ATG2B: variants seen among roughly 807,000 people sequenced by gnomAD.
ATG2B encodes autophagy related 2B, also known as autophagy-related protein 2 homolog B.
ATG2B carries 121 observed loss-of-function variants against 241.3 expected under a neutral mutation model. That is an observed-to-expected ratio of 0.50 (90% CI 0.43 to 0.58). ATG2B has a LOEUF of 0.58. Ranked by LOEUF, ATG2B falls within the 20% of genes least tolerant of loss-of-function variation. The pLI is 0.00. For synonymous variants in ATG2B, 858 were observed against 876.6 expected, an observed-to-expected ratio of 0.98 and a Z score of 0.37; for missense variants, 2,306 against 2,491.6, an observed-to-expected ratio of 0.93 and a Z score of 1.59.
At chr14:96,356,984 C>T (rs1433885757) in intron 1 of ATG2B, among the ~76,000 whole-genome samples, 1 of 152,104 alleles carries the variant, frequency 6.6e-6, no homozygotes, top group Non-Finnish European at 1.5e-5. Context: ...ACTAAAACCC[C>T]TAACCTTGCT....
intron 2 of ATG2B, among the ~76,000 whole-genome samples, chr14:96,346,117 AC>A (rs1038267667): frequency 1.3e-5 from 2 of 152,182 alleles, no homozygotes; most frequent in African/African-American, 4.8e-5. Context: ...GAGAAAATTA[AC>A]AGGAAATGTG....
intron 34 of ATG2B, among the ~76,000 whole-genome samples, chr14:96,297,715 A>T (rs1886685001): frequency 6.6e-6 from 1 of 152,156 alleles, no homozygotes; most frequent in African/African-American, 2.4e-5. Context: ...CTAGCTTTTT[A>T]AAATGTTCTC....
chr14:96,357,766 C>G lies in ATG2B; in HGVS notation c.162+5049G>C, dbSNP rs972621069. 8.6e-5 allele frequency among the ~76,000 whole-genome samples: 13 copies of G among 151,964 alleles called. No individual in the cohort carries two copies. The South Asian group carries it at 1.2e-3, about 15-fold the overall frequency. ...AGACTTCAAAAGGTAAGTAGAACTG[C>G]TTGCTTCATGTATTAAGTATTTCCA... is the stretch of plus-strand genomic sequence containing the variant. On this transcript the variant is annotated intron_variant, in intron 1 of 41. Transcript: ENST00000359933.
chr14:96,343,478 TA>T (rs1261171698), intron 4 of ATG2B, among the ~76,000 whole-genome samples, 197 bp from the exon 5 acceptor site: 1 of 152,186 alleles, frequency 6.6e-6, no homozygotes, highest in Non-Finnish European at 1.5e-5. Flanking sequence ...ATAGCTTTTT[TA>T]AGTTAAGGGG....
chr14:96,355,439 G>A (rs912745368), intron 1 of ATG2B, among the ~76,000 whole-genome samples: 4 of 152,144 alleles, frequency 2.6e-5, no homozygotes, highest in African/African-American at 9.7e-5. Context: ...GATAGTTGCA[G>A]GTGTGAGAAG....
At position 96,355,409 on chromosome 14, in the gene ATG2B, G is replaced by A. The variant is rs541272880; in HGVS notation, c.162+7406C>T. Among the ~76,000 whole-genome samples, 12 of 152,236 alleles carry A rather than the reference G, an allele frequency of 7.9e-5. No individual in the cohort carries two copies. The South Asian group carries it at 2.5e-3, about 32-fold the overall frequency. ...AATCCTTTCCGCATTGCTTGTTTGT[G>A]TCAGGTTTGTCAAAGATCAGATAGT... On this transcript the variant is annotated intron_variant, in intron 1 of 41. Transcript: ENST00000359933.
intron 14 of ATG2B, among the ~76,000 whole-genome samples, chr14:96,326,462 G>A (rs1887590427): frequency 6.6e-6 from 1 of 152,206 alleles, no homozygotes; most frequent in East Asian, 1.9e-4. Context: ...GACGCACTCT[G>A]AGCTCCTATC....
rs1886309450 is a variant in ATG2B, at chr14:96,285,490, A to G, written c.*265T>C. The G allele has an allele frequency of 7.6e-5, 36 of 473,548 alleles. No individual in the cohort carries two copies. The South Asian group carries it at 9.1e-4, about 12-fold the overall frequency. 29.3% of individuals were successfully genotyped at this position (473,548 alleles called of 1,614,324 possible). On this transcript the variant is annotated 3_prime_UTR_variant, in exon 42 of 42. Transcript: ENST00000359933. This position sits in a 1 kb window ranked among gnomAD's most constrained non-coding sequence, Gnocchi z 4.2. ...CAAGGAGAATTACAGTCATCTTAAC[A>G]AAAGTGAGCCTTCCACTAACTTGGC... is the stretch of plus-strand genomic sequence containing the variant.
At chr14:96,300,952 G>C (rs1054658717) in intron 34 of ATG2B, among the ~76,000 whole-genome samples, 2 of 152,076 alleles carry the variant, frequency 1.3e-5, no homozygotes, top group Non-Finnish European at 2.9e-5. Flanking sequence ...TATTCAACCA[G>C]TACTATTTAA....
chr14:96,296,760 C>CAAA (rs796358676), intron 34 of ATG2B, among the ~76,000 whole-genome samples: 8 of 65,412 alleles, frequency 1.2e-4, no homozygotes, highest in African/African-American at 2.7e-4. Flanking sequence ...GACACTGTCT[C>CAAA]AAAAAAAAAA....
intron 36 of ATG2B, 115 bp downstream of exon 36, chr14:96,294,845 T>C: frequency 2.4e-6 from 2 of 836,334 alleles, no homozygotes; most frequent in Admixed American, 2.5e-5. Flanking sequence ...AGCTGATGAT[T>C]TGGCAGTGCA....
chr14:96,331,268 A>C, intron 11 of ATG2B, 108 bp downstream of exon 11: 1 of 1,100,484 alleles, frequency 9.1e-7, no homozygotes, highest in Non-Finnish European at 1.3e-6. Context: ...TGAATTAGAA[A>C]AACAAATGCA....
chr14:96,282,376 T>C lies in ATG2B; in HGVS notation c.*3379A>G, dbSNP rs1273260844. 1 of 152,240 alleles carries C rather than the reference T, an allele frequency of 6.6e-6. No individual in the cohort carries two copies. Among genetic ancestry groups the C allele is most frequent in the Admixed American group, 6.5e-5 (1 of 15,282 alleles). The allele number at this position is 152,240 out of a possible 1,614,324, so 9.4% of individuals were successfully genotyped here. On this transcript the variant is annotated 3_prime_UTR_variant, in exon 42 of 42. Transcript: ENST00000359933. ...AGAAAAGAACTTGACGGACATTCTCTCTGAAGTCTTAAGGAGGTCAAAAGT... is the reference window on the plus strand; with the variant it reads ...AGAAAAGAACTTGACGGACATTCTCCCTGAAGTCTTAAGGAGGTCAAAAGT...
intron 37 of ATG2B, 94 bp downstream of exon 37, chr14:96,291,935 T>C (rs759181619): frequency 4.5e-6 from 4 of 891,102 alleles, no homozygotes; most frequent in South Asian, 3.6e-5. Flanking sequence ...CAAACATATA[T>C]ATAAACTATG....
chr14:96,285,961 T>C lies in ATG2B; in HGVS notation c.6031A>G (p.Ile2011Val), dbSNP rs1384267282. The C allele has an allele frequency of 2.5e-6, 4 of 1,613,450 alleles. No individual in the cohort carries two copies. Among genetic ancestry groups the C allele is most frequent in the Non-Finnish European group, 3.4e-6 (4 of 1,179,790 alleles). ...TGTTCTCGAGCCGCAGTTTCATAAA[T>C]GGTCTGAGCCGTGTCTGTGATTCCC... ...KEGITDTAQT[I>V]YETAAREHES... The change falls in exon 42 of 42, where the codon ATT becomes GTT. Residue 2011 changes from isoleucine (I) to valine (V), a missense_variant. By Grantham distance (29) the Ile-to-Val change is conservative. Around this residue, in one of 2 missense-constraint regions of ATG2B, gnomAD observed 379 missense variants for 480.4 expected, o/e 0.79. Transcript: ENST00000359933. This position sits in a 1 kb window ranked among gnomAD's most constrained non-coding sequence, Gnocchi z 4.2.
At position 96,309,598 on chromosome 14, in the gene ATG2B, T is replaced by C; in HGVS notation, c.4162-4A>G. 1.3e-6 allele frequency: 2 copies of C among 1,597,056 alleles called. No individual in the cohort carries two copies. Among genetic ancestry groups the C allele is most frequent in the Non-Finnish European group, 1.7e-6 (2 of 1,171,786 alleles). On this transcript the variant is annotated splice_region_variant and splice_polypyrimidine_tract_variant and intron_variant, in intron 28 of 41. Transcript: ENST00000359933. ...ATGATCGACCACTGGAATCTACCTA[T>C]AGCCAAAAAACCTAATTAAAAATAA...
chr14:96,286,505 GAACA>G (rs1886339399), intron 41 of ATG2B, among the ~76,000 whole-genome samples: 1 of 152,098 alleles, frequency 6.6e-6, no homozygotes, highest in South Asian at 2.1e-4. Flanking sequence ...AGAATTCTGA[GAACA>G]AAAAGCAGGA....
intron 35 of ATG2B, 31 bp from the exon 36 acceptor site, chr14:96,295,198 T>G (rs1295624819): frequency 1.3e-6 from 2 of 1,535,542 alleles, no homozygotes; most frequent in Non-Finnish European, 1.8e-6. Flanking sequence ...TTTGAAAAAT[T>G]AGATATGCTT....
At position 96,291,670 on chromosome 14, in the gene ATG2B, C is replaced by T; in HGVS notation, c.5509G>A (p.Gly1837Arg). 2.5e-6 allele frequency: 4 copies of T among 1,606,686 alleles called. No individual in the cohort carries two copies. Among genetic ancestry groups the T allele is most frequent in the Non-Finnish European group, 3.4e-6 (4 of 1,175,244 alleles). Reference protein sequence around the residue: ...HVSMDQGTLAGILIGLAQLNC... With the variant: ...HVSMDQGTLARILIGLAQLNC... Reference sequence around the variant, plus strand: ...AACTGAGCCAGACCAATCAAAATCCCAGCTAGCGTACCCTTCAAAATTAAA... The same window carrying T: ...AACTGAGCCAGACCAATCAAAATCCTAGCTAGCGTACCCTTCAAAATTAAA... The change falls in exon 38 of 42, where the codon GGG becomes AGG. Residue 1837 changes from glycine to arginine, a missense_variant. By Grantham distance (125) the Gly-to-Arg change is moderately radical. Around this residue, in one of 2 missense-constraint regions of ATG2B, gnomAD observed 379 missense variants for 480.4 expected, o/e 0.79. Transcript: ENST00000359933.
Sources: allele counts gnomAD v4.1 joint callset (sites outside exome capture counted in the v4.1 genomes callset), GRCh38; gene constraint gnomAD v4.1.1; regional missense constraint gnomAD v4.1.1; non-coding constraint Gnocchi (gnomAD v3.1); transcripts MANE v1.5; gene names NCBI Gene and HGNC (gene_info 2026-07-23, HGNC 2026-07-21).